SLC39A10: variants seen among roughly 807,000 people sequenced by gnomAD.
SLC39A10 encodes the protein solute carrier family 39 member 10.
In SLC39A10, 13 loss-of-function variants were observed where a neutral mutation model predicts 65.1. The observed-to-expected ratio is 0.20, with a 90% CI of 0.13 to 0.32. The LOEUF is 0.32. Among genes scored for constraint, SLC39A10 ranks in the 10% least tolerant of loss-of-function variants. The probability of loss-of-function intolerance (pLI) is 1.00; values close to 1 mark genes in which losing one functional copy is unlikely to be tolerated. For missense variants in SLC39A10, 831 were observed against 1,018.4 expected (o/e 0.82, Z 2.50); for synonymous variants, 321 against 342.2 (o/e 0.94, Z 0.68).
chr2:195,730,787 A>G (rs1266386433), intron 9 of SLC39A10, among the ~76,000 whole-genome samples: 2 of 152,202 alleles, frequency 1.3e-5, no homozygotes, highest in Non-Finnish European at 2.9e-5. Context: ...GACGTTGCCA[A>G]CACTACTACT....
chr2:195,714,302 C>G (rs1266679701), intron 6 of SLC39A10, among the ~76,000 whole-genome samples: 2 of 152,266 alleles, frequency 1.3e-5, no homozygotes, highest in African/African-American at 4.8e-5. Context: ...GATGTTTGGA[C>G]ATTGATGTTT....
intron 5 of SLC39A10, among the ~76,000 whole-genome samples, chr2:195,710,682 T>C (rs1189711807): frequency 6.6e-6 from 1 of 152,238 alleles, no homozygotes; most frequent in African/African-American, 2.4e-5. Context: ...ATTTTAGTTA[T>C]ATTTAGTCAG....
chr2:195,727,839 G>A (rs146082446), intron 8 of SLC39A10, among the ~76,000 whole-genome samples: 1,598 of 151,978 alleles, frequency 0.011, 33 homozygotes, highest in African/African-American at 0.035. Flanking sequence ...CCCTTGCCCC[G>A]TGCTCTTCCT....
intron 1 of SLC39A10, among the ~76,000 whole-genome samples, chr2:195,672,585 TGTAA>T (rs1367230470): frequency 6.6e-6 from 1 of 152,252 alleles, no homozygotes; most frequent in African/African-American, 2.4e-5. Flanking sequence ...TTCTCTTAAA[TGTAA>T]GTGATTAGAG....
At chr2:195,719,948 G>A (rs931244402) in intron 8 of SLC39A10, among the ~76,000 whole-genome samples, 3 of 152,026 alleles carry the variant, frequency 2.0e-5, no homozygotes, top group Non-Finnish European at 4.4e-5. Flanking sequence ...GTGCCACCAC[G>A]CCTGGCTAAT....
intron 2 of SLC39A10, among the ~76,000 whole-genome samples, chr2:195,629,388 C>A (rs955395965): frequency 1.4e-5 from 2 of 139,314 alleles, no homozygotes; most frequent in African/African-American, 5.5e-5. Flanking sequence ...AGCGAGATTC[C>A]TTTCAAAAAA....
At chr2:195,652,442 G>C (rs935907963), upstream of SLC39A10, among the ~76,000 whole-genome samples, 3 of 151,726 alleles carry the variant, frequency 2.0e-5, no homozygotes, top group African/African-American at 7.3e-5. Flanking sequence ...CCAGCTACTC[G>C]GGAGGCTGAG....
chr2:195,637,633 T>C (rs559303330), intron 2 of SLC39A10, among the ~76,000 whole-genome samples: 1 of 152,320 alleles, frequency 6.6e-6, no homozygotes, highest in Admixed American at 6.5e-5. Context: ...GTTGGAAGAA[T>C]AGAGAAGTTA....
At chr2:195,679,867 T>C (rs2105768297) in intron 1 of SLC39A10, among the ~76,000 whole-genome samples, 165 bp from the exon 2 acceptor site, 1 of 152,360 alleles carries the variant, frequency 6.6e-6, no homozygotes, top group South Asian at 2.1e-4. Context: ...TTCTACCATT[T>C]GTGAATAATG....
chr2:195,696,428 C>G (rs1350193865), intron 3 of SLC39A10, among the ~76,000 whole-genome samples: 1 of 151,876 alleles, frequency 6.6e-6, no homozygotes, highest in African/African-American at 2.4e-5. Context: ...CCCTTAATAT[C>G]TGTGAGTTCT....
At chr2:195,713,596 T>C in intron 6 of SLC39A10, 43 bp downstream of exon 6, 1 of 1,542,606 alleles carries the variant, frequency 6.5e-7, no homozygotes, top group Non-Finnish European at 8.6e-7. Flanking sequence ...TTTCTTTTTT[T>C]TTTTTCATTC....
In SLC39A10 at chr2:195,725,187, AAT is replaced by A. The variant is rs377582944; in HGVS notation, c.2147-2968_2147-2967del. On this transcript the variant is annotated intron_variant, in intron 8 of 9. Coordinates refer to ENST00000359634, the MANE Select transcript of SLC39A10 (RefSeq NM_020342.3). ...ATGGAGATTCTTAAAAATAGAAGAAAATATAGAATATCTCTGTGTCTTTGGGT... is the reference window on the plus strand; with the variant it reads ...ATGGAGATTCTTAAAAATAGAAGAAAATAGAATATCTCTGTGTCTTTGGGT... Among the ~76,000 whole-genome samples, 63 of 152,272 alleles carry A rather than the reference AAT, an allele frequency of 4.1e-4. 1 individual carries two copies. The East Asian group carries it at 9.8e-3, about 24-fold the overall frequency.
chr2:195,665,193 T>C (rs1185894719), intron 1 of SLC39A10, among the ~76,000 whole-genome samples: 1 of 152,228 alleles, frequency 6.6e-6, no homozygotes, highest in Non-Finnish European at 1.5e-5. Context: ...AGCAGGTGCC[T>C]GTAATCCCAG....
intron 3 of SLC39A10, among the ~76,000 whole-genome samples, chr2:195,696,028 T>G (rs1690943770): frequency 6.6e-6 from 1 of 152,194 alleles, no homozygotes; most frequent in Non-Finnish European, 1.5e-5. Context: ...TCTTGCATCA[T>G]TTGTTGAAAA....
intron 1 of SLC39A10, 57 bp downstream of exon 1, chr2:195,657,338 C>CG: frequency 1.0e-6 from 1 of 967,408 alleles, no homozygotes; most frequent in Non-Finnish European, 1.2e-6. Flanking sequence ...GCCCCGTGCG[C>CG]GGCGGAGACT....
chr2:195,724,507 A>T (rs1453608720), intron 8 of SLC39A10, among the ~76,000 whole-genome samples: 1 of 152,206 alleles, frequency 6.6e-6, no homozygotes, highest in Non-Finnish European at 1.5e-5. Flanking sequence ...TGATACAAAG[A>T]TAAGTATACA....
intron 2 of SLC39A10, among the ~76,000 whole-genome samples, chr2:195,616,761 G>A (rs1051636775): frequency 6.6e-5 from 10 of 151,654 alleles, no homozygotes; most frequent in African/African-American, 1.2e-4. Context: ...CCGCCACCAC[G>A]CCTGGCTAAT....
rs572348648 is a variant in SLC39A10, at chr2:195,720,559, T to C, written c.2146+2227T>C. Among the ~76,000 whole-genome samples, 14 of 152,372 alleles carry C rather than the reference T, an allele frequency of 9.2e-5. No individual in the cohort carries two copies. In the East Asian group the frequency reaches 2.7e-3, roughly 29 times the overall value. On this transcript the variant is annotated intron_variant, in intron 8 of 9. Transcript: ENST00000359634. ...GTCATTTGACTGTGCGTAATTGTCT[T>C]GATTTGTAGTATTTGCTCATTTTGA...
Position 195,680,282 on chromosome 2 carries a change from T to C in SLC39A10, c.240T>C (p.Phe80=). ...RYGENGRLSF[F]GLEKLLTNLG... ...GTGAAAATGGAAGATTATCCTTTTT[T>C]GGTTTGGAGAAACTTTTAACAAACT... Residue 80 remains phenylalanine (F), a synonymous_variant, in exon 2 of 10, where the codon TTT becomes TTC. Coordinates refer to ENST00000359634, the MANE Select transcript of SLC39A10 (RefSeq NM_020342.3). 1 of 1,614,106 alleles carries C rather than the reference T, an allele frequency of 6.2e-7. No homozygotes were observed. The highest frequency in any genetic ancestry group is 8.5e-7 in the Non-Finnish European group (1 of 1,180,022).
Sources: gnomAD v4.1 joint callset for allele counts (sites outside exome capture counted in the v4.1 genomes callset) on GRCh38, gnomAD v4.1.1 for gene constraint, MANE v1.5 for transcripts, NCBI Gene and HGNC (gene_info 2026-07-23, HGNC 2026-07-21) for gene names.